The following CATSPERB variants were observed in gnomAD, a reference collection of about 807,000 sequenced individuals.
CATSPERB encodes the protein catsper channel auxiliary subunit beta, also known as cation channel sperm-associated auxiliary subunit beta.
Under a neutral mutation model 128.3 loss-of-function variants are expected in CATSPERB, and 93 were observed. The ratio of observed to expected loss-of-function variants is 0.72; its 90% confidence interval spans 0.61 to 0.86. The LOEUF (loss-of-function observed/expected upper bound fraction) is 0.86, where lower values mean the gene tolerates loss of function less well. Ranked by LOEUF, CATSPERB falls within the 40% of genes least tolerant of loss-of-function variation. The pLI, the probability that CATSPERB is intolerant of heterozygous loss-of-function variation, is 0.00. For synonymous variants in CATSPERB, 381 were observed against 448.8 expected (o/e 0.85, Z 1.91); for missense variants, 1,153 against 1,329.5 (o/e 0.87, Z 2.06).
chr14:91,589,555 T>C lies in CATSPERB; in HGVS notation c.2935A>G (p.Met979Val), dbSNP rs1893360040. ...CTACTCAGTTTCCAGTTGTGCCTCATGTTCACTTCAGTCACAGTAACCAGA... is the reference window on the plus strand; with the variant it reads ...CTACTCAGTTTCCAGTTGTGCCTCACGTTCACTTCAGTCACAGTAACCAGA... ...PYLVTVTEVN[M>V]RHNWKLKHTV... is the part of the protein sequence containing the mutation. Residue 979 changes from methionine (M) to valine (V), a missense_variant, in exon 24 of 27, where the codon ATG (methionine) becomes GTG (valine). Coordinates refer to ENST00000256343, the MANE Select transcript of CATSPERB (RefSeq NM_024764.4). 2.5e-6 allele frequency: 4 copies of C among 1,613,484 alleles called. No homozygotes were observed. Among genetic ancestry groups the C allele is most frequent in the African/African-American group, 2.7e-5 (2 of 74,940 alleles).
chr14:91,604,452 C>A, intron 22 of CATSPERB: 1 of 1,484,764 alleles, frequency 6.7e-7, no homozygotes, highest in Non-Finnish European at 9.3e-7. Flanking sequence ...AATAAATCCA[C>A]AGCTTGTGGA....
chr14:91,680,392 T>C (rs936046312), intron 11 of CATSPERB, among the ~76,000 whole-genome samples: 1 of 152,220 alleles, frequency 6.6e-6, no homozygotes, highest in Non-Finnish European at 1.5e-5. Context: ...GGCACACAGA[T>C]GCCTAAACAG....
rs765720466 is a variant in CATSPERB at position 91,672,905 on chromosome 14, G to A, written c.1090C>T (p.Gln364Ter). The A allele has an allele frequency of 1.1e-5, 17 of 1,598,076 alleles. No homozygotes were observed. The highest frequency in any genetic ancestry group is 2.3e-5 in the East Asian group (1 of 44,092). The change falls in exon 13 of 27, where the codon CAA (glutamine) becomes TAA (stop). Residue 364 changes from glutamine (Q) to a stop codon, truncating the protein, a stop_gained. Coordinates refer to ENST00000256343, the MANE Select transcript of CATSPERB (RefSeq NM_024764.4). LOFTEE classifies it high-confidence loss of function. ...AGGTAAACTCCAGTACCACGCTCTT[G>A]GTCAACAAGAAATGTTAGCACAGTT... ...FPTVLTFLVD[Q>*]ERGTGVYLFY... is the part of the protein sequence containing the mutation.
chr14:91,728,014 G>C (rs1896146963), intron 2 of CATSPERB, among the ~76,000 whole-genome samples: 1 of 152,144 alleles, frequency 6.6e-6, no homozygotes, highest in South Asian at 2.1e-4. Context: ...AGTCTCCCCT[G>C]CAGACAACCT....
chr14:91,728,778 A>C (rs1896161381), intron 2 of CATSPERB, among the ~76,000 whole-genome samples: 1 of 152,238 alleles, frequency 6.6e-6, no homozygotes. Flanking sequence ...AAACCACACA[A>C]GTGTAACCAC....
chr14:91,697,361 G>T (rs1385388999), intron 7 of CATSPERB, among the ~76,000 whole-genome samples: 11 of 152,136 alleles, frequency 7.2e-5, no homozygotes, highest in African/African-American at 1.7e-4. Flanking sequence ...AAAAGTGATA[G>T]TGAAAATGGA....
chr14:91,667,360 C>T (rs1475465762), intron 14 of CATSPERB, among the ~76,000 whole-genome samples: 4 of 151,618 alleles, frequency 2.6e-5, no homozygotes, highest in Admixed American at 6.6e-5. Context: ...CAGGGAAATA[C>T]CAGCAGAAAG....
chr14:91,717,238 G>A (rs1368314688), intron 5 of CATSPERB, among the ~76,000 whole-genome samples: 4 of 152,164 alleles, frequency 2.6e-5, no homozygotes, highest in Non-Finnish European at 5.9e-5. Flanking sequence ...GATTATGGGT[G>A]GAGTGACTTT....
intron 17 of CATSPERB, among the ~76,000 whole-genome samples, chr14:91,627,227 A>T (rs1011582543): frequency 6.6e-6 from 1 of 152,224 alleles, no homozygotes; most frequent in Non-Finnish European, 1.5e-5. Flanking sequence ...TTACAAACTT[A>T]CACTCTGAAA....
chr14:91,688,992 A>C (rs1195241321), intron 10 of CATSPERB, among the ~76,000 whole-genome samples: 1 of 152,210 alleles, frequency 6.6e-6, no homozygotes, highest in Non-Finnish European at 1.5e-5. Context: ...GAGAGGGCTC[A>C]GGTATGGTTT....
At chr14:91,637,964 C>G (rs111633513) in intron 16 of CATSPERB, among the ~76,000 whole-genome samples, 6 of 152,268 alleles carry the variant, frequency 3.9e-5, no homozygotes, top group African/African-American at 1.4e-4. Flanking sequence ...CAGACTTGGG[C>G]AAAGACACAG....
At chr14:91,582,466 G>C (rs566187302) in intron 26 of CATSPERB, among the ~76,000 whole-genome samples, 4 of 152,176 alleles carry the variant, frequency 2.6e-5, no homozygotes, top group Admixed American at 1.3e-4. Context: ...GTGGGTCGCC[G>C]GTGAAACCTG....
At chr14:91,581,405 A>C (rs953719338) in intron 26 of CATSPERB, among the ~76,000 whole-genome samples, 1 of 152,222 alleles carries the variant, frequency 6.6e-6, no homozygotes, top group African/African-American at 2.4e-5. Flanking sequence ...GTCTCAGAGG[A>C]ATGGGCAAAG....
In CATSPERB at chr14:91,588,056, A is replaced by C. The variant is rs1893334849; in HGVS notation, c.2979T>G (p.Ile993Met). The C allele has an allele frequency of 6.2e-7, 1 of 1,608,760 alleles. No homozygotes were observed. The highest frequency in any genetic ancestry group is 1.1e-5 in the South Asian group (1 of 90,672). Residue 993 changes from isoleucine (I) to methionine (M), a missense_variant, in exon 25 of 27, where the codon ATT becomes ATG. Coordinates refer to ENST00000256343, the MANE Select transcript of CATSPERB (RefSeq NM_024764.4). ...GTTCTACTAATTGTTTCATTCTTTTAATATTTTCTGGCACAGTGTGTTCTA... is the reference window on the plus strand; with the variant it reads ...GTTCTACTAATTGTTTCATTCTTTTCATATTTTCTGGCACAGTGTGTTCTA... ...WKLKHTVPENIKRMKQLVEPI... is the reference protein window; with the variant it reads ...WKLKHTVPENMKRMKQLVEPI...
chr14:91,633,829 T>G (rs78934403), intron 17 of CATSPERB, among the ~76,000 whole-genome samples: 17,578 of 151,386 alleles, frequency 0.12, 1,330 homozygotes, highest in African/African-American at 0.21. Context: ...AATATATATA[T>G]ATAGAGAGAG....
rs776028582 is a variant in CATSPERB at position 91,610,478 on chromosome 14, A to T, written c.2598+2T>A. On this transcript the variant is annotated splice_donor_variant, in intron 21 of 26. Transcript: ENST00000256343. LOFTEE classifies it high-confidence loss of function. The stretch of plus-strand genomic sequence containing the variant: ...CCAATATACTTAGATTTTTTTTTTT[A>T]CCGGCAAAGTTTTGATGAGGTTAAA... The T allele has an allele frequency of 8.8e-6, 14 of 1,593,874 alleles. No individual in the cohort carries two copies. The Middle Eastern group carries it at 1.2e-3, about 135-fold the overall frequency.
At chr14:91,607,087 G>A (rs565247310) in intron 22 of CATSPERB, among the ~76,000 whole-genome samples, 1 of 26,894 alleles carries the variant, frequency 3.7e-5, no homozygotes, top group African/African-American at 1.2e-4. Context: ...GTGTGGGCGG[G>A]GGGGGGGGGG....
At chr14:91,729,308 T>A in intron 2 of CATSPERB, 93 bp downstream of exon 2, 1 of 515,152 alleles carries the variant, frequency 1.9e-6, no homozygotes, top group East Asian at 3.3e-5. Context: ...AAAGAAGAAA[T>A]ACTAAAAGAA....
chr14:91,667,754 T>C (rs1408403435), intron 14 of CATSPERB, among the ~76,000 whole-genome samples: 1 of 151,842 alleles, frequency 6.6e-6, no homozygotes, highest in African/African-American at 2.4e-5. Context: ...TAGTAAGAGA[T>C]GCTACCTGGC....
Sources: allele counts gnomAD v4.1 joint callset (sites outside exome capture counted in the v4.1 genomes callset), GRCh38; gene constraint gnomAD v4.1.1; transcripts MANE v1.5; gene names NCBI Gene and HGNC (gene_info 2026-07-23, HGNC 2026-07-21).